Variants in ROBO2 observed in about 807,000 individuals in gnomAD.
The protein encoded by ROBO2 is roundabout homolog 2.
In ROBO2, 53 loss-of-function variants were observed where a neutral mutation model predicts 160.8. The observed-to-expected ratio is 0.33, with a 90% CI of 0.26 to 0.41. ROBO2 has a LOEUF of 0.41. ROBO2 is among the 10% of genes least tolerant of loss of function. The pLI, the probability that ROBO2 is intolerant of heterozygous loss-of-function variation, is 1.00. For synonymous variants in ROBO2, 664 were observed against 611.7 expected (o/e 1.09, Z -1.26); for missense variants, 1,577 against 1,722.4 (o/e 0.92, Z 1.49).
chr3:77,490,185 C>G (rs2085911137), intron 4 of ROBO2, among the ~76,000 whole-genome samples: 1 of 150,376 alleles, frequency 6.6e-6, no homozygotes, highest in Non-Finnish European at 1.5e-5. Flanking sequence ...ACTGCAAGCT[C>G]CGCCTCCCGG....
chr3:76,006,257 G>T (rs2066017085), intron 2 of ROBO2, among the ~76,000 whole-genome samples: 1 of 152,082 alleles, frequency 6.6e-6, no homozygotes, highest in South Asian at 2.1e-4. Context: ...TACTTGAAGT[G>T]GAAATTGTAT....
At chr3:77,200,267 T>TTATATATATA (rs144644165) in intron 2 of ROBO2, among the ~76,000 whole-genome samples, 17 of 46,582 alleles carry the variant, frequency 3.6e-4, no homozygotes, top group Non-Finnish European at 7.4e-4. Flanking sequence ...CTAACATATT[T>TTATATATATA]TATATATATA....
At chr3:77,272,463 C>G (rs750953362) in intron 2 of ROBO2, among the ~76,000 whole-genome samples, 10 of 151,976 alleles carry the variant, frequency 6.6e-5, no homozygotes, top group Admixed American at 3.3e-4. Context: ...TTCATGAGGA[C>G]TCACTATCAC....
In ROBO2 at chr3:76,446,499, CA is replaced by C. The variant is rs553004500; in HGVS notation, c.109+508899del. On this transcript the variant is annotated intron_variant, in intron 2 of 26. Coordinates refer to the ROBO2 transcript ENST00000487694. Reference sequence around the variant, plus strand: ...TTAATAGATTCAATGCCATCCCCATCAAGCTACCAATGACTTTCTTCACAGA... The same window carrying C: ...TTAATAGATTCAATGCCATCCCCATCAGCTACCAATGACTTTCTTCACAGA... Among the ~76,000 whole-genome samples the C allele has an allele frequency of 1.4e-3, 214 of 152,266 alleles. 2 individuals carry two copies. Among genetic ancestry groups the C allele is most frequent in the African/African-American group, 4.8e-3 (201 of 41,564 alleles).
intron 2 of ROBO2, among the ~76,000 whole-genome samples, chr3:76,581,396 G>A (rs956084515): frequency 6.6e-6 from 1 of 152,044 alleles, no homozygotes; most frequent in Admixed American, 6.6e-5. Context: ...GGAAGGTTTA[G>A]GGAAATACGG....
chr3:76,071,192 G>T (rs2068441762), intron 2 of ROBO2, among the ~76,000 whole-genome samples: 1 of 152,086 alleles, frequency 6.6e-6, no homozygotes, highest in African/African-American at 2.4e-5. Flanking sequence ...TGTGATTACT[G>T]TTTATGTCAG....
intron 2 of ROBO2, among the ~76,000 whole-genome samples, chr3:77,168,125 T>C (rs2150714670): frequency 6.6e-6 from 1 of 152,366 alleles, no homozygotes; most frequent in South Asian, 2.1e-4. Context: ...GTAGTAAAGC[T>C]GAGGGTGCCG....
chr3:77,427,954 T>C (rs1231133726), intron 2 of ROBO2, among the ~76,000 whole-genome samples: 4 of 152,244 alleles, frequency 2.6e-5, no homozygotes. Context: ...ATTAGCCATT[T>C]CTTTTCACAG....
intron 2 of ROBO2, among the ~76,000 whole-genome samples, chr3:76,809,644 A>AATTTGTTGG (rs1174913725): frequency 6.6e-6 from 1 of 152,126 alleles, no homozygotes; most frequent in African/African-American, 2.4e-5. Context: ...TGGGAAGCTG[A>AATTTGTTGG]ATTTGTTGGT....
chr3:75,931,873 A>G (rs1187051749), intron 1 of ROBO2, among the ~76,000 whole-genome samples: 2 of 152,006 alleles, frequency 1.3e-5, no homozygotes, highest in Admixed American at 6.6e-5. Context: ...GTACAGGACT[A>G]TGGCTTTCTT....
chr3:77,476,365 GGTATGTGTGTGTGT>G (rs1055771770), intron 2 of ROBO2, among the ~76,000 whole-genome samples: 4 of 117,362 alleles, frequency 3.4e-5, no homozygotes, highest in East Asian at 2.5e-4. Context: ...TGTGTCTGTG[GGTATGTGTGTGTGT>G]GTGTGTGTGT....
At chr3:76,727,277 T>C (rs1330104939) in intron 2 of ROBO2, among the ~76,000 whole-genome samples, 4 of 152,110 alleles carry the variant, frequency 2.6e-5, no homozygotes, top group African/African-American at 9.7e-5. Context: ...AGTTCTAAAA[T>C]GATCTTAAGT....
intron 2 of ROBO2, among the ~76,000 whole-genome samples, chr3:77,463,504 T>G (rs2082451668): frequency 2.0e-5 from 3 of 152,056 alleles, no homozygotes; most frequent in African/African-American, 7.2e-5. Context: ...AGTAATTGAT[T>G]GACCCCAAGA....
Position 77,424,262 on chromosome 3 carries a change from G to A in ROBO2, c.389-53152G>A, listed in dbSNP as rs150516962. 5.7e-3 allele frequency among the ~76,000 whole-genome samples: 868 copies of A among 152,228 alleles called. 6 individuals carry two copies. The highest frequency in any genetic ancestry group is 7.0e-3 in the Non-Finnish European group (473 of 68,014). On this transcript the variant is annotated intron_variant, in intron 2 of 25. Transcript: ENST00000461745. ...GAATTTTAAAGGACGGGTAGAATTT[G>A]GACAGGCAGAGGAAATGGGAGAATG...
intron 2 of ROBO2, among the ~76,000 whole-genome samples, chr3:76,550,794 A>G (rs1435883757): frequency 1.3e-5 from 2 of 152,226 alleles, no homozygotes; most frequent in East Asian, 1.9e-4. Context: ...CACACTCGGG[A>G]TGGCACTGAC....
intron 2 of ROBO2, among the ~76,000 whole-genome samples, chr3:77,419,879 C>A (rs533812794): frequency 1.7e-3 from 262 of 152,128 alleles, no homozygotes; most frequent in Non-Finnish European, 2.4e-3. Flanking sequence ...TCAAGTATGA[C>A]CACCATAGTG....
chr3:76,941,826 A>G (rs894310780), intron 2 of ROBO2, among the ~76,000 whole-genome samples: 4 of 152,230 alleles, frequency 2.6e-5, no homozygotes, highest in Non-Finnish European at 5.9e-5. Flanking sequence ...GGCCTGATGC[A>G]TAGTAATTTC....
chr3:76,144,161 G>A (rs2071796487), intron 2 of ROBO2, among the ~76,000 whole-genome samples: 1 of 151,910 alleles, frequency 6.6e-6, no homozygotes, highest in South Asian at 2.1e-4. Context: ...TCATCACAAG[G>A]GGCGAGGAAG....
At chr3:76,174,447 G>A (rs1040910572) in intron 2 of ROBO2, among the ~76,000 whole-genome samples, 3 of 152,150 alleles carry the variant, frequency 2.0e-5, no homozygotes, top group African/African-American at 7.2e-5. Flanking sequence ...CCATGCCTAT[G>A]TCCTGAATGG....
Sources: gnomAD v4.1 joint callset for allele counts (sites outside exome capture counted in the v4.1 genomes callset) on GRCh38, gnomAD v4.1.1 for gene constraint, MANE v1.5 for transcripts, NCBI Gene and HGNC (gene_info 2026-07-23, HGNC 2026-07-21) for gene names.